CPNE4: variants seen among roughly 807,000 people sequenced by gnomAD.
The protein encoded by CPNE4 is copine 4, also known as copine-4.
In CPNE4, 25 loss-of-function variants were observed where a neutral mutation model predicts 67.9. The observed-to-expected ratio is 0.37, with a 90% confidence interval of 0.27 to 0.51. The LOEUF (loss-of-function observed/expected upper bound fraction) is 0.51, where lower values mean the gene tolerates loss of function less well. Among genes scored for constraint, CPNE4 ranks in the 20% least tolerant of loss-of-function variants. CPNE4 has a pLI of 0.93. For missense variants in CPNE4, 464 were observed against 690.8 expected (o/e 0.67, Z 3.68); for synonymous variants, 242 against 244.9 (o/e 0.99, Z 0.11).
intron 14 of CPNE4, 132 bp downstream of exon 14, chr3:131,549,815 G>T: frequency 2.0e-6 from 2 of 1,012,638 alleles, no homozygotes; most frequent in Admixed American, 2.2e-5. Flanking sequence ...ATAGGAGGAG[G>T]TTAAGTCATT....
chr3:131,902,960 T>G (rs2088608242), intron 2 of CPNE4, among the ~76,000 whole-genome samples: 1 of 152,134 alleles, frequency 6.6e-6, no homozygotes, highest in South Asian at 2.1e-4. Context: ...AAATTAAGAT[T>G]CCCCAATCTG....
chr3:131,977,452 A>G (rs2072692469), intron 1 of CPNE4, among the ~76,000 whole-genome samples: 1 of 152,154 alleles, frequency 6.6e-6, no homozygotes, highest in South Asian at 2.1e-4. Context: ...ATTAGAGCCT[A>G]CAACTGAAGT....
chr3:131,888,348 C>T (rs868327909), intron 2 of CPNE4, among the ~76,000 whole-genome samples: 41 of 151,854 alleles, frequency 2.7e-4, no homozygotes, highest in South Asian at 1.0e-3. Context: ...AAATTTTGTT[C>T]CTTTGATACA....
chr3:131,883,907 G>C (rs1383115775), intron 2 of CPNE4, among the ~76,000 whole-genome samples: 1 of 152,122 alleles, frequency 6.6e-6, no homozygotes, highest in Non-Finnish European at 1.5e-5. Context: ...TATTCTGTTG[G>C]AATACTCTGT....
At chr3:131,833,125 A>G (rs1482933447) in intron 2 of CPNE4, among the ~76,000 whole-genome samples, 1 of 152,172 alleles carries the variant, frequency 6.6e-6, no homozygotes, top group Non-Finnish European at 1.5e-5. Flanking sequence ...CACCATCACT[A>G]GACACCAAAT....
chr3:131,904,043 G>A (rs529327162), intron 2 of CPNE4, among the ~76,000 whole-genome samples: 20 of 152,068 alleles, frequency 1.3e-4, no homozygotes, highest in Non-Finnish European at 2.6e-4. Flanking sequence ...AACAACGTGG[G>A]GGCCCATCGC....
At chr3:131,740,946 G>C (rs946783107) in intron 2 of CPNE4, among the ~76,000 whole-genome samples, 1 of 152,096 alleles carries the variant, frequency 6.6e-6, no homozygotes, top group Non-Finnish European at 1.5e-5. Flanking sequence ...TGCCTTTGCT[G>C]TCAACTCTGC....
At chr3:131,953,251 A>AAT (rs1553813417) in intron 1 of CPNE4, among the ~76,000 whole-genome samples, 2 of 140,778 alleles carry the variant, frequency 1.4e-5, no homozygotes, top group African/African-American at 2.5e-5. Flanking sequence ...AAAAAAAAAA[A>AAT]AAAAAAAAAA....
At chr3:131,839,485 T>A (rs1012004966) in intron 2 of CPNE4, among the ~76,000 whole-genome samples, 1 of 151,478 alleles carries the variant, frequency 6.6e-6, no homozygotes, top group Admixed American at 6.6e-5. Flanking sequence ...TAGTTAATAG[T>A]GTTGATAAAC....
At chr3:132,030,734 T>C (rs967774523) in intron 1 of CPNE4, among the ~76,000 whole-genome samples, 2 of 152,224 alleles carry the variant, frequency 1.3e-5, no homozygotes, top group African/African-American at 4.8e-5. Flanking sequence ...TCACATATAT[T>C]TAGTAGTTCA....
chr3:131,808,381 T>G (rs554771986), intron 2 of CPNE4, among the ~76,000 whole-genome samples: 9 of 152,202 alleles, frequency 5.9e-5, no homozygotes, highest in African/African-American at 2.2e-4. Context: ...AAAGAAGAAT[T>G]TATAGGAACT....
chr3:131,874,464 T>C (rs1219336169), intron 2 of CPNE4, among the ~76,000 whole-genome samples: 1 of 152,130 alleles, frequency 6.6e-6, no homozygotes, highest in Non-Finnish European at 1.5e-5. Flanking sequence ...GGAATAAAAA[T>C]GGGGAATGAG....
intron 2 of CPNE4, among the ~76,000 whole-genome samples, chr3:131,901,714 C>T (rs2088558270): frequency 6.6e-6 from 1 of 152,074 alleles, no homozygotes; most frequent in African/African-American, 2.4e-5. Flanking sequence ...GATCCAGCTT[C>T]TGCTGGATGG....
At chr3:131,815,999 T>A (rs1269640186) in intron 2 of CPNE4, among the ~76,000 whole-genome samples, 1 of 152,196 alleles carries the variant, frequency 6.6e-6, no homozygotes, top group African/African-American at 2.4e-5. Context: ...AATTATAAAC[T>A]AAGTTCTTCC....
chr3:131,662,014 G>A (rs577522740), intron 7 of CPNE4, among the ~76,000 whole-genome samples: 1 of 152,270 alleles, frequency 6.6e-6, no homozygotes, highest in South Asian at 2.1e-4. Context: ...CAAGGATTCA[G>A]ATCTGGGGGT....
chr3:131,952,081 C>T (rs950226718), intron 1 of CPNE4, among the ~76,000 whole-genome samples: 6 of 147,462 alleles, frequency 4.1e-5, no homozygotes, highest in African/African-American at 1.3e-4. Flanking sequence ...AAGTGAGGAG[C>T]GTCTCTGCCC....
intron 6 of CPNE4, among the ~76,000 whole-genome samples, chr3:131,681,277 T>C (rs2080747292): frequency 6.6e-6 from 1 of 152,238 alleles, no homozygotes; most frequent in African/African-American, 2.4e-5. Context: ...CTCATTAATG[T>C]TGTGTTGTTT....
intron 1 of CPNE4, among the ~76,000 whole-genome samples, chr3:131,919,590 C>T (rs1384611623): frequency 1.3e-5 from 2 of 152,144 alleles, no homozygotes; most frequent in African/African-American, 2.4e-5. Context: ...AAATAAACTA[C>T]ATCTTGATTT....
intron 6 of CPNE4, among the ~76,000 whole-genome samples, chr3:131,679,613 T>C (rs1470508390): frequency 6.6e-6 from 1 of 152,186 alleles, no homozygotes; most frequent in Non-Finnish European, 1.5e-5. Flanking sequence ...GTCCCAGAGA[T>C]TGTGGTACGT....
Sources: allele counts gnomAD v4.1 joint callset (sites outside exome capture counted in the v4.1 genomes callset), GRCh38; gene constraint gnomAD v4.1.1; transcripts MANE v1.5; gene names NCBI Gene and HGNC (gene_info 2026-07-23, HGNC 2026-07-21).